THOC2: variants seen among roughly 807,000 people sequenced by gnomAD.
The protein encoded by THOC2 is THO complex subunit 2.
THOC2 carries 10 observed loss-of-function variants against 128.4 expected under a neutral mutation model. The ratio of observed to expected loss-of-function variants is 0.08; its 90% CI spans 0.05 to 0.13. The LOEUF is 0.13. THOC2 is among the 10% of genes least tolerant of loss of function. THOC2 has a pLI of 1.00. For missense variants in THOC2, 535 were observed against 1,155.7 expected, an observed-to-expected ratio of 0.46 and a Z score of 7.79; for synonymous variants, 393 against 396.9, an observed-to-expected ratio of 0.99 and a Z score of 0.12.
chrX:123,626,994 T>C (rs1024539542), intron 23 of THOC2, among the ~76,000 whole-genome samples: 3 of 112,185 alleles, frequency 2.7e-5, no homozygotes, highest in Non-Finnish European at 5.6e-5. Flanking sequence ...GCTCTCACAA[T>C]AGACTGCCCA....
intron 4 of THOC2, among the ~76,000 whole-genome samples, chrX:123,701,961 C>T (rs1345091271): frequency 2.7e-5 from 3 of 111,869 alleles, no homozygotes; most frequent in African/African-American, 9.7e-5. Flanking sequence ...CCAACATTAC[C>T]GGGAACTTAG....
At chrX:123,720,443 A>G (rs1386631909) in intron 1 of THOC2, among the ~76,000 whole-genome samples, 3 of 111,669 alleles carry the variant, frequency 2.7e-5, no homozygotes, top group Non-Finnish European at 5.6e-5. Flanking sequence ...GCAAAAGCCT[A>G]TCTCTCGAAA....
intron 12 of THOC2, among the ~76,000 whole-genome samples, chrX:123,660,640 A>G: frequency 8.9e-6 from 1 of 112,266 alleles, no homozygotes; most frequent in Non-Finnish European, 1.9e-5. Flanking sequence ...TTGTTTCTTG[A>G]GCAGGCACTA....
chrX:123,732,919 G>A (rs200440267), intron 1 of THOC2, 33 bp downstream of exon 1: 724 of 1,194,565 alleles, frequency 6.1e-4, no homozygotes, highest in Non-Finnish European at 6.2e-4. Context: ...GGCCCGGCCC[G>A]GCAGTGCGCC....
At chrX:123,635,741 T>C (rs1193065396) in intron 19 of THOC2, among the ~76,000 whole-genome samples, 1 of 112,002 alleles carries the variant, frequency 8.9e-6, no homozygotes, top group African/African-American at 3.2e-5. Flanking sequence ...AATTACTGCA[T>C]ACTGACCTAG....
intron 2 of THOC2, among the ~76,000 whole-genome samples, chrX:123,710,946 C>T (rs1205843033): frequency 4.0e-5 from 4 of 101,023 alleles, no homozygotes; most frequent in African/African-American, 7.2e-5. Flanking sequence ...GCCAAGATCG[C>T]GCCATTGCAC....
chrX:123,671,466 T>C (rs183499915), intron 9 of THOC2, among the ~76,000 whole-genome samples: 2 of 112,054 alleles, frequency 1.8e-5, no homozygotes, highest in Admixed American at 1.9e-4. Flanking sequence ...ACCAAAAAGG[T>C]ATTTAATTTT....
At position 123,633,005 on chromosome X, in the gene THOC2, T is replaced by C. The variant is rs2047543346; in HGVS notation, c.2172A>G (p.Lys724=). ...GYFGQIRNTK[K]SSQRLKDALL... is the part of the protein sequence containing the mutation. ...GAGCATCCTTTAATCTCTGAGAGGA[T>C]TTTTTAGTGTTTCTGATCTGACCAA... Residue 724 remains lysine (K), a synonymous_variant, in exon 21 of 39, where the codon AAA becomes AAG. Coordinates refer to ENST00000245838, the MANE Select transcript of THOC2 (RefSeq NM_001081550.2). 8.3e-7 allele frequency: 1 copy of C among 1,209,818 alleles called. No homozygotes were observed. The highest frequency in any genetic ancestry group is 3.0e-5 in the East Asian group (1 of 33,807).
At chrX:123,693,790 A>G (rs1213615723) in intron 7 of THOC2, among the ~76,000 whole-genome samples, 1 of 111,468 alleles carries the variant, frequency 9.0e-6, no homozygotes, top group Non-Finnish European at 1.9e-5. Context: ...AAAAATAATC[A>G]GGGAATAGCA....
In THOC2 at chrX:123,619,389, A is replaced by G. The variant is rs2047006245; in HGVS notation, c.4311+12T>C. ...GGTTTACTTAGGCATGATGATTTTA[A>G]AAGACTCAAACCTTTGCTGAAGATT... On this transcript the variant is annotated intron_variant, in intron 33 of 38. Transcript: ENST00000245838. The G allele has an allele frequency of 8.9e-7, 1 of 1,121,070 alleles. No individual in the cohort carries two copies. The highest frequency in any genetic ancestry group is 1.2e-6 in the Non-Finnish European group (1 of 821,301). 92.4% of individuals were successfully genotyped at this position (1,121,070 alleles called of 1,213,427 possible).
At chrX:123,686,450 AG>A in intron 8 of THOC2, 97 bp downstream of exon 8, 1 of 675,093 alleles carries the variant, frequency 1.5e-6, no homozygotes, top group Non-Finnish European at 2.1e-6. Context: ...AGAACACCTG[AG>A]ATGAGACCAA....
intron 16 of THOC2, 47 bp downstream of exon 16, chrX:123,640,491 C>T (rs781065049): frequency 1.1e-6 from 1 of 929,203 alleles, no homozygotes; most frequent in Non-Finnish European, 1.5e-6. Context: ...GATTTAAAGG[C>T]AACAGAAAGA....
intron 15 of THOC2, among the ~76,000 whole-genome samples, chrX:123,641,582 C>T (rs1287031104): frequency 1.8e-5 from 2 of 111,601 alleles, no homozygotes; most frequent in Admixed American, 9.6e-5. Context: ...AAATTTCCAA[C>T]TTACCACTAC....
intron 17 of THOC2, 133 bp from the exon 18 acceptor site, chrX:123,638,256 G>T: frequency 2.4e-6 from 1 of 408,280 alleles, no homozygotes; most frequent in Non-Finnish European, 4.2e-6. Context: ...GACCAGGGAT[G>T]TTGCTAAAAC....
chrX:123,668,167 C>T lies in THOC2; in HGVS notation c.1009G>A (p.Val337Ile). The T allele has an allele frequency of 8.5e-7, 1 of 1,177,868 alleles. No homozygotes were observed. Residue 337 changes from valine to isoleucine, a missense_variant, in exon 10 of 39, where the codon GTA becomes ATA. By Grantham distance (29) the Val-to-Ile change is conservative (BLOSUM62 3). Around this residue, in one of 9 missense-constraint regions of THOC2, gnomAD observed 197 missense variants for 313.4 expected, o/e 0.63. Transcript: ENST00000245838. ...EKEKEKEEEK[V>I]EKPPDNQKLG... ...TAGAATGAATTACATACTTTCTCTA[C>T]TTTCTCCTCTTCTTTTTCCTTTTCT...
At chrX:123,654,339 G>T (rs1431423261) in intron 12 of THOC2, among the ~76,000 whole-genome samples, 1 of 109,097 alleles carries the variant, frequency 9.2e-6, no homozygotes, top group African/African-American at 3.4e-5. Flanking sequence ...AACCACCATG[G>T]CACGTGTATA....
At chrX:123,663,537 T>TAA (rs1569394862) in intron 12 of THOC2, among the ~76,000 whole-genome samples, 3 of 84,685 alleles carry the variant, frequency 3.5e-5, no homozygotes, top group East Asian at 1.2e-3. Flanking sequence ...GCTGATTTTT[T>TAA]TAAAAAAAAA....
intron 12 of THOC2, among the ~76,000 whole-genome samples, chrX:123,647,126 T>G (rs952309587): frequency 2.7e-5 from 3 of 111,547 alleles, no homozygotes; most frequent in Admixed American, 9.6e-5. Flanking sequence ...TAGATTTCAT[T>G]AAGCAGGAAA....
At chrX:123,608,416 A>C (rs768240528) in intron 38 of THOC2, among the ~76,000 whole-genome samples, 10 of 104,230 alleles carry the variant, frequency 9.6e-5, no homozygotes, top group Non-Finnish European at 1.8e-4. Flanking sequence ...AAACAAACAA[A>C]AAAAAAAAGA....
Sources: gnomAD v4.1 joint callset for allele counts (sites outside exome capture counted in the v4.1 genomes callset) on GRCh38, gnomAD v4.1.1 for gene constraint, gnomAD v4.1.1 regional missense constraint, MANE v1.5 for transcripts, NCBI Gene and HGNC (gene_info 2026-07-23, HGNC 2026-07-21) for gene names.